XPR1: variants seen among roughly 807,000 people sequenced by gnomAD.
The protein encoded by XPR1 is solute carrier family 53 member 1.
In XPR1, 28 loss-of-function variants were observed where a neutral mutation model predicts 87.5. The ratio of observed to expected loss-of-function variants is 0.32; its 90% CI spans 0.24 to 0.44. The LOEUF (loss-of-function observed/expected upper bound fraction) is 0.44. Ranked by LOEUF, XPR1 falls within the 20% of genes least tolerant of loss-of-function variation. XPR1 has a pLI of 1.00. For missense variants in XPR1, 559 were observed against 862.3 expected (o/e 0.65, Z 4.41); for synonymous variants, 300 against 306.1 (o/e 0.98, Z 0.21).
At chr1:180,638,696 T>C (rs1377301921) in intron 1 of XPR1, among the ~76,000 whole-genome samples, 1 of 152,100 alleles carries the variant, frequency 6.6e-6, no homozygotes, top group Non-Finnish European at 1.5e-5. Context: ...TGTATGTGTG[T>C]ATTTGGTTTT....
chr1:180,885,413 C>G lies in XPR1; in HGVS notation c.*1347C>G, dbSNP rs1652981012. 1 of 152,352 alleles carries G rather than the reference C, an allele frequency of 6.6e-6. No individual in the cohort carries two copies. The allele number at this position is 152,352 out of a possible 1,614,324, so 9.4% of individuals were successfully genotyped here. Reference sequence around the variant, plus strand: ...TACTTGGTCATACATGAAAAGTACACTGCTTAGAAATTATAGACTATTATG... The same window carrying G: ...TACTTGGTCATACATGAAAAGTACAGTGCTTAGAAATTATAGACTATTATG... On this transcript the variant is annotated 3_prime_UTR_variant, in exon 15 of 15. Transcript: ENST00000367590.
At chr1:180,703,094 G>T (rs561545152) in intron 2 of XPR1, among the ~76,000 whole-genome samples, 31 of 152,268 alleles carry the variant, frequency 2.0e-4, no homozygotes, top group African/African-American at 7.5e-4. Flanking sequence ...CTTAGACTGT[G>T]TTTTTTAGTG....
intron 11 of XPR1, among the ~76,000 whole-genome samples, chr1:180,847,732 GATAAA>G (rs1651732728): frequency 1.3e-5 from 2 of 152,050 alleles, no homozygotes; most frequent in East Asian, 3.9e-4. Context: ...TAAATGTCTA[GATAAA>G]ATGGACCATT....
intron 2 of XPR1, among the ~76,000 whole-genome samples, chr1:180,709,030 G>A (rs1657662105): frequency 6.6e-6 from 1 of 151,050 alleles, no homozygotes; most frequent in African/African-American, 2.4e-5. Flanking sequence ...TCCTGCCTCA[G>A]CCTCCTGAGT....
At chr1:180,767,925 A>G (rs1021378139) in intron 2 of XPR1, among the ~76,000 whole-genome samples, 1 of 151,970 alleles carries the variant, frequency 6.6e-6, no homozygotes, top group African/African-American at 2.4e-5. Context: ...GCTCACTGCA[A>G]GCTCCACCTC....
At chr1:180,781,697 T>G (rs941898730) in intron 2 of XPR1, among the ~76,000 whole-genome samples, 7 of 151,846 alleles carry the variant, frequency 4.6e-5, no homozygotes, top group Non-Finnish European at 8.8e-5. Flanking sequence ...ACTTTAACTT[T>G]TAGGGTACAT....
chr1:180,878,673 A>G (rs931154310), intron 13 of XPR1, among the ~76,000 whole-genome samples: 1 of 152,210 alleles, frequency 6.6e-6, no homozygotes, highest in Admixed American at 6.5e-5. Flanking sequence ...ACAGTCTCCC[A>G]GAGCCTGTGC....
intron 2 of XPR1, among the ~76,000 whole-genome samples, chr1:180,704,572 A>G (rs1657486668): frequency 6.6e-6 from 1 of 151,352 alleles, no homozygotes. Flanking sequence ...GTCTTATTCA[A>G]TTTGTATATT....
chr1:180,659,905 C>G (rs1247619897), intron 1 of XPR1, among the ~76,000 whole-genome samples: 1 of 152,116 alleles, frequency 6.6e-6, no homozygotes, highest in Admixed American at 6.5e-5. Context: ...AGTATTCCCT[C>G]TTCCTCTATT....
chr1:180,832,061 G>C (rs1651085466), intron 9 of XPR1, among the ~76,000 whole-genome samples: 1 of 152,172 alleles, frequency 6.6e-6, no homozygotes, highest in Non-Finnish European at 1.5e-5. Context: ...AGCATCTGTT[G>C]TTTCCTGAGT....
At chr1:180,659,948 T>C (rs944805653) in intron 1 of XPR1, among the ~76,000 whole-genome samples, 11 of 152,210 alleles carry the variant, frequency 7.2e-5, no homozygotes, top group African/African-American at 2.7e-4. Context: ...TTGGTATTAG[T>C]TGTTCTTTAA....
At chr1:180,828,737 C>T (rs1343144625) in intron 9 of XPR1, among the ~76,000 whole-genome samples, 1 of 152,174 alleles carries the variant, frequency 6.6e-6, no homozygotes, top group African/African-American at 2.4e-5. Flanking sequence ...AGTTAATTAA[C>T]TTGCCTAAGG....
At chr1:180,698,246 T>A (rs962228969) in intron 2 of XPR1, among the ~76,000 whole-genome samples, 1 of 152,168 alleles carries the variant, frequency 6.6e-6, no homozygotes, top group Non-Finnish European at 1.5e-5. Flanking sequence ...TGATAACAAC[T>A]CCTGCTCACT....
At chr1:180,651,051 A>G (rs1414466746) in intron 1 of XPR1, among the ~76,000 whole-genome samples, 1 of 151,682 alleles carries the variant, frequency 6.6e-6, no homozygotes, top group African/African-American at 2.4e-5. Flanking sequence ...CCCCCTTTCG[A>G]TGTCATAAAG....
At chr1:180,734,458 G>T (rs991391054) in intron 2 of XPR1, among the ~76,000 whole-genome samples, 5 of 152,204 alleles carry the variant, frequency 3.3e-5, no homozygotes, top group African/African-American at 1.2e-4. Flanking sequence ...ATCATGATGG[G>T]TGAGGGGTCT....
chr1:180,855,878 A>G (rs1202696239), intron 11 of XPR1, among the ~76,000 whole-genome samples: 16 of 152,058 alleles, frequency 1.1e-4, no homozygotes, highest in Admixed American at 1.0e-3. Flanking sequence ...TATTTTCCCC[A>G]GTCTAAAGTA....
At chr1:180,633,485 A>G (rs1479535816) in intron 1 of XPR1, among the ~76,000 whole-genome samples, 1 of 152,242 alleles carries the variant, frequency 6.6e-6, no homozygotes, top group Non-Finnish European at 1.5e-5. Flanking sequence ...AATAGCAGTG[A>G]GTGTATTTAT....
intron 12 of XPR1, among the ~76,000 whole-genome samples, chr1:180,873,222 G>A (rs1463294780): frequency 2.6e-5 from 4 of 152,052 alleles, no homozygotes; most frequent in Admixed American, 6.6e-5. Flanking sequence ...CCTAAATCCT[G>A]GGTGCTAGTA....
intron 1 of XPR1, among the ~76,000 whole-genome samples, chr1:180,669,582 A>T (rs1403935543): frequency 1.2e-4 from 18 of 151,952 alleles, no homozygotes; most frequent in Admixed American, 1.2e-3. Context: ...GGCTGGTCTC[A>T]AACTCCTGAC....
Sources: gnomAD v4.1 joint callset for allele counts (sites outside exome capture counted in the v4.1 genomes callset) on GRCh38, gnomAD v4.1.1 for gene constraint, MANE v1.5 for transcripts, NCBI Gene and HGNC (gene_info 2026-07-23, HGNC 2026-07-21) for gene names.